CMSS1: variants seen among roughly 807,000 people sequenced by gnomAD.
CMSS1 encodes protein CMSS1.
In CMSS1, 33 loss-of-function variants were observed where a neutral mutation model predicts 43.5. That is an observed-to-expected ratio of 0.76 (90% CI 0.57 to 1.01). The LOEUF is 1.01. Among genes scored for constraint, CMSS1 ranks in the 50% least tolerant of loss-of-function variants. The pLI is 0.00. For synonymous variants in CMSS1, 115 were observed against 117.2 expected (o/e 0.98, Z 0.12); for missense variants, 313 against 326.4 (o/e 0.96, Z 0.32).
chr3:100,032,156 A>G (rs2065032284), intron 1 of CMSS1, among the ~76,000 whole-genome samples: 1 of 152,196 alleles, frequency 6.6e-6, no homozygotes, highest in African/African-American at 2.4e-5. Flanking sequence ...GTGTTAAAAC[A>G]TGGAGTAAAA....
chr3:99,848,521 G>C (rs1471935647), intron 1 of CMSS1: 7 of 1,614,180 alleles, frequency 4.3e-6, no homozygotes, highest in Non-Finnish European at 5.9e-6. Context: ...TATCACACTT[G>C]AGCTATTGCT....
intron 1 of CMSS1, among the ~76,000 whole-genome samples, chr3:99,982,278 A>G (rs1353880434): frequency 1.3e-5 from 2 of 151,630 alleles, no homozygotes; most frequent in African/African-American, 4.8e-5. Flanking sequence ...GCATCCACCA[A>G]TTTAATCTGG....
chr3:99,894,836 A>G (rs1576554235), intron 1 of CMSS1, among the ~76,000 whole-genome samples: 1 of 152,228 alleles, frequency 6.6e-6, no homozygotes, highest in Non-Finnish European at 1.5e-5. Flanking sequence ...TCCTATTATT[A>G]CAGTACGGAG....
At chr3:100,065,745 A>G (rs2065652928) in intron 1 of CMSS1, among the ~76,000 whole-genome samples, 1 of 152,234 alleles carries the variant, frequency 6.6e-6, no homozygotes, top group Non-Finnish European at 1.5e-5. Context: ...TTAGTCCAAC[A>G]GCCTCTCAGT....
At chr3:99,995,038 C>T (rs1409273543) in intron 1 of CMSS1, among the ~76,000 whole-genome samples, 1 of 152,168 alleles carries the variant, frequency 6.6e-6, no homozygotes, top group Non-Finnish European at 1.5e-5. Flanking sequence ...ATCATGCCTT[C>T]CCAACAGCAC....
At chr3:99,929,829 G>C in intron 1 of CMSS1, 1 of 1,556,948 alleles carries the variant, frequency 6.4e-7, no homozygotes, top group Non-Finnish European at 8.7e-7. Flanking sequence ...CTGCCTCCCA[G>C]GTACACACCC....
At chr3:99,831,973 C>T (rs1353738726) in intron 1 of CMSS1, among the ~76,000 whole-genome samples, 1 of 152,166 alleles carries the variant, frequency 6.6e-6, no homozygotes, top group East Asian at 1.9e-4. Flanking sequence ...ATTGGTATGA[C>T]ACACAGTATT....
intron 1 of CMSS1, among the ~76,000 whole-genome samples, chr3:99,951,743 C>T (rs150312559): frequency 6.6e-6 from 1 of 152,302 alleles, no homozygotes; most frequent in African/African-American, 2.4e-5. Context: ...GATCATGGGT[C>T]AGCAAACTCT....
chr3:100,129,332 A>C (rs1482168381), intron 1 of CMSS1, among the ~76,000 whole-genome samples: 1 of 152,290 alleles, frequency 6.6e-6, no homozygotes, highest in Non-Finnish European at 1.5e-5. Flanking sequence ...GAGTCCTTTC[A>C]TAATTCTTAG....
chr3:100,054,903 T>C (rs906350665), intron 1 of CMSS1, among the ~76,000 whole-genome samples: 15 of 152,214 alleles, frequency 9.9e-5, no homozygotes, highest in Non-Finnish European at 2.9e-5. Context: ...CTCATGTTAT[T>C]CTGTTAAGCT....
At position 99,888,594 on chromosome 3, in the gene CMSS1, G is replaced by C. The variant is rs372931546; in HGVS notation, c.64+70551G>C. On this transcript the variant is annotated intron_variant, in intron 1 of 9. Coordinates refer to ENST00000421999, the MANE Select transcript of CMSS1 (RefSeq NM_032359.4). ...TTTGATCCATCACTGAAAATAGAGA[G>C]AGGCTCTTTATGTTTTAGGTACACC... is the stretch of plus-strand genomic sequence containing the variant. Among the ~76,000 whole-genome samples the C allele has an allele frequency of 5.3e-5, 8 of 152,276 alleles. No individual in the cohort carries two copies. In the East Asian group the frequency reaches 5.8e-4, roughly 11 times the overall value.
chr3:100,175,052 T>C (rs1322986359), intron 8 of CMSS1, among the ~76,000 whole-genome samples: 2 of 152,200 alleles, frequency 1.3e-5, no homozygotes, highest in Non-Finnish European at 2.9e-5. Context: ...TTACCTTCCT[T>C]GTCATGAAGC....
chr3:100,037,087 G>A (rs918298368), intron 1 of CMSS1, among the ~76,000 whole-genome samples: 1 of 152,004 alleles, frequency 6.6e-6, no homozygotes, highest in Non-Finnish European at 1.5e-5. Context: ...ATCGGGGGAG[G>A]AAATGCAAAC....
At position 100,162,328 on chromosome 3, in the gene CMSS1, AAT is replaced by A; in HGVS notation, c.252_253del (p.Lys84AsnfsTer9). On this transcript the variant is annotated frameshift_variant, in exon 4 of 10. Transcript: ENST00000421999. LOFTEE classifies it high-confidence loss of function. Reference sequence around the variant, plus strand: ...AAGAAAATTACTGATGTTCTTGCAAAATCAGAACCAAAACCAGGGTTACCTGA... The same window carrying A: ...AAGAAAATTACTGATGTTCTTGCAAACAGAACCAAAACCAGGGTTACCTGA... The A allele has an allele frequency of 6.2e-7, 1 of 1,611,544 alleles. No homozygotes were observed. Among genetic ancestry groups the A allele is most frequent in the Non-Finnish European group, 8.5e-7 (1 of 1,179,014 alleles).
At chr3:99,856,151 G>A (rs1943954532) in intron 1 of CMSS1, among the ~76,000 whole-genome samples, 1 of 151,804 alleles carries the variant, frequency 6.6e-6, no homozygotes, top group Non-Finnish European at 1.5e-5. Flanking sequence ...GTCCTCATAG[G>A]ACTCTCAGGA....
chr3:100,161,220 T>G (rs191876446), intron 3 of CMSS1, among the ~76,000 whole-genome samples: 3 of 152,356 alleles, frequency 2.0e-5, no homozygotes, highest in Admixed American at 2.0e-4. Flanking sequence ...AACCTATTAC[T>G]TAACAGCAAG....
chr3:99,972,091 T>C (rs1271900674), intron 1 of CMSS1, among the ~76,000 whole-genome samples: 2 of 152,240 alleles, frequency 1.3e-5, no homozygotes, highest in Non-Finnish European at 1.5e-5. Flanking sequence ...GAGAGGAACC[T>C]GGTTCTGACA....
At chr3:100,120,602 G>A (rs186813513) in intron 1 of CMSS1, among the ~76,000 whole-genome samples, 1 of 152,198 alleles carries the variant, frequency 6.6e-6, no homozygotes, top group East Asian at 1.9e-4. Flanking sequence ...GCTAGGTCTT[G>A]GTCCTTTAAA....
chr3:99,836,726 C>T (rs956173984), intron 1 of CMSS1, among the ~76,000 whole-genome samples: 1 of 152,124 alleles, frequency 6.6e-6, no homozygotes, highest in Non-Finnish European at 1.5e-5. Context: ...CATTTATTCC[C>T]ATTACTTGAA....
Sources: gnomAD v4.1 joint callset for allele counts (sites outside exome capture counted in the v4.1 genomes callset) on GRCh38, gnomAD v4.1.1 for gene constraint, MANE v1.5 for transcripts, NCBI Gene and HGNC (gene_info 2026-07-23, HGNC 2026-07-21) for gene names.